SPIRE1: variants seen among roughly 807,000 people sequenced by gnomAD.
SPIRE1 encodes the protein spire type actin nucleation factor 1.
Under a neutral mutation model 94.1 loss-of-function variants are expected in SPIRE1, and 40 were observed. That is an observed-to-expected ratio of 0.43 (90% confidence interval 0.33 to 0.55). The LOEUF (loss-of-function observed/expected upper bound fraction) is 0.55. Ranked by LOEUF, SPIRE1 falls within the 20% of genes least tolerant of loss-of-function variation. The pLI is 0.06. For missense variants in SPIRE1, 838 were observed against 975.2 expected (o/e 0.86, Z 1.87); for synonymous variants, 376 against 371.7 (o/e 1.01, Z -0.13).
rs78538080 is a variant in SPIRE1, at chr18:12,506,671, A to G, written c.808-30T>C. ...AAGAACCAAGGATAGAGAGACATCAATGAATAAATGTACTAGTTTCTTCTA... is the reference window on the plus strand; with the variant it reads ...AAGAACCAAGGATAGAGAGACATCAGTGAATAAATGTACTAGTTTCTTCTA... On this transcript the variant is annotated intron_variant, in intron 5 of 16. Transcript: ENST00000409402. 4.7e-3 allele frequency: 7,543 copies of G among 1,604,276 alleles called. 316 individuals are homozygous for G. The African/African-American group carries it at 0.089, about 19-fold the overall frequency.
intron 2 of SPIRE1, among the ~76,000 whole-genome samples, chr18:12,555,149 G>T (rs2035465531): frequency 6.6e-6 from 1 of 151,998 alleles, no homozygotes; most frequent in South Asian, 2.1e-4. Flanking sequence ...ATTTGAGACT[G>T]ATCTCCCATC....
chr18:12,506,955 A>G (rs2033854178), intron 5 of SPIRE1, among the ~76,000 whole-genome samples: 1 of 152,256 alleles, frequency 6.6e-6, no homozygotes, highest in Non-Finnish European at 1.5e-5. Context: ...AAAGGGGATT[A>G]TATTTCCCAC....
At chr18:12,501,160 A>C (rs1467736918) in intron 6 of SPIRE1, among the ~76,000 whole-genome samples, 2 of 151,624 alleles carry the variant, frequency 1.3e-5, no homozygotes, top group Non-Finnish European at 2.9e-5. Flanking sequence ...TTGAAACATT[A>C]TGCTAAGTCA....
intron 5 of SPIRE1, among the ~76,000 whole-genome samples, chr18:12,507,462 G>T (rs956726507): frequency 2.0e-5 from 3 of 152,118 alleles, no homozygotes; most frequent in African/African-American, 7.2e-5. Flanking sequence ...ACTTTTGGAG[G>T]CCAAGAAGGG....
intron 7 of SPIRE1, among the ~76,000 whole-genome samples, chr18:12,493,596 G>A (rs2033323196): frequency 6.6e-6 from 1 of 152,042 alleles, no homozygotes; most frequent in South Asian, 2.1e-4. Flanking sequence ...TAGTAGAGAT[G>A]GGGTTTCACC....
At chr18:12,573,967 C>T (rs1291593939) in intron 2 of SPIRE1, among the ~76,000 whole-genome samples, 2 of 152,182 alleles carry the variant, frequency 1.3e-5, no homozygotes, top group African/African-American at 4.8e-5. Flanking sequence ...TCTCCATCTC[C>T]TGACCTCATG....
At chr18:12,661,507 C>T (rs937780021), upstream of SPIRE1, among the ~76,000 whole-genome samples, 5 of 152,080 alleles carry the variant, frequency 3.3e-5, no homozygotes, top group African/African-American at 1.2e-4. Flanking sequence ...CGCAGTGGCT[C>T]ATACCTGTAA....
At chr18:12,567,225 G>A (rs142407607) in intron 2 of SPIRE1, among the ~76,000 whole-genome samples, 49 of 152,126 alleles carry the variant, frequency 3.2e-4, no homozygotes, top group Admixed American at 1.4e-3. Flanking sequence ...ACTTACATGA[G>A]CACCCCCCAA....
chr18:12,584,766 A>C (rs2036347040), intron 2 of SPIRE1, among the ~76,000 whole-genome samples: 1 of 152,046 alleles, frequency 6.6e-6, no homozygotes, highest in Admixed American at 6.6e-5. Flanking sequence ...CCTGTCTCTA[A>C]ATTAAAAATA....
chr18:12,559,411 G>A lies in SPIRE1; in HGVS notation c.373-12507C>T, dbSNP rs530848639. Reference sequence around the variant, plus strand: ...TGGCCGGGCGAGACTGCACCCACCCGGAACTCGTGCTGGCCTGCGAACACC... The same window carrying A: ...TGGCCGGGCGAGACTGCACCCACCCAGAACTCGTGCTGGCCTGCGAACACC... On this transcript the variant is annotated intron_variant, in intron 2 of 16. Coordinates refer to ENST00000409402, the MANE Select transcript of SPIRE1 (RefSeq NM_001128626.2). This position sits in a 1 kb window ranked among gnomAD's most constrained non-coding sequence, Gnocchi z 4.7. Among the ~76,000 whole-genome samples, 36 of 152,272 alleles carry A rather than the reference G, an allele frequency of 2.4e-4. No individual in the cohort carries two copies. Among genetic ancestry groups the A allele is most frequent in the Non-Finnish European group, 4.3e-4 (29 of 68,004 alleles).
At chr18:12,648,906 A>G (rs560614770) in intron 1 of SPIRE1, among the ~76,000 whole-genome samples, 13,149 of 149,990 alleles carry the variant, frequency 0.088, 708 homozygotes, top group Non-Finnish European at 0.11. Context: ...AAAAAAAAAA[A>G]AAAAAGAAAA....
chr18:12,591,570 G>C (rs1454236194), intron 2 of SPIRE1, among the ~76,000 whole-genome samples: 1 of 152,184 alleles, frequency 6.6e-6, no homozygotes, highest in East Asian at 1.9e-4. Flanking sequence ...TGAGAAATGG[G>C]CAGTTTCCGG....
At chr18:12,474,978 A>T (rs2032508426) in intron 10 of SPIRE1, among the ~76,000 whole-genome samples, 1 of 152,352 alleles carries the variant, frequency 6.6e-6, no homozygotes, top group Non-Finnish European at 1.5e-5. Flanking sequence ...TGTCTTCTAC[A>T]GCCCTGAGTC....
At chr18:12,649,728 ACT>A (rs1382526070) in intron 1 of SPIRE1, among the ~76,000 whole-genome samples, 6 of 151,900 alleles carry the variant, frequency 3.9e-5, no homozygotes, top group Admixed American at 2.6e-4. Flanking sequence ...TTTAGTCAAA[ACT>A]CTTAGTGAGG....
At chr18:12,590,483 C>T (rs189237540) in intron 2 of SPIRE1, among the ~76,000 whole-genome samples, 6 of 152,100 alleles carry the variant, frequency 3.9e-5, no homozygotes, top group Admixed American at 2.0e-4. Flanking sequence ...AAAAAGTTTT[C>T]GGGCCTAAAG....
Position 12,449,211 on chromosome 18 carries a change from AAC to A in SPIRE1, c.*425_*426del, listed in dbSNP as rs1402518356. The A allele has an allele frequency of 5.5e-6, 1 of 181,530 alleles. No individual in the cohort carries two copies. Among genetic ancestry groups the A allele is most frequent in the African/African-American group, 2.4e-5 (1 of 41,884 alleles). The allele number at this position is 181,530 out of a possible 1,614,324, so 11.2% of individuals were successfully genotyped here. A position where few individuals can be genotyped will look rare whatever the true frequency, so the allele number is the denominator to read the frequency against. On this transcript the variant is annotated 3_prime_UTR_variant, in exon 17 of 17. Transcript: ENST00000409402. The stretch of plus-strand genomic sequence containing the variant: ...TGGATCTCTCTGTACACGGGATAGA[AAC>A]ACAGTCACGTGGAAATGCCAATATG...
At chr18:12,595,850 T>C (rs1451193223) in intron 2 of SPIRE1, among the ~76,000 whole-genome samples, 1 of 152,238 alleles carries the variant, frequency 6.6e-6, no homozygotes, top group Non-Finnish European at 1.5e-5. Flanking sequence ...GAAGCTGCTA[T>C]TTAATACACA....
At chr18:12,452,140 A>G (rs966194180) in intron 16 of SPIRE1, 115 bp downstream of exon 16, 6 of 1,304,540 alleles carry the variant, frequency 4.6e-6, no homozygotes, top group Non-Finnish European at 5.3e-6. Flanking sequence ...ATTAAAACCA[A>G]CCAACAAACC....
rs2038587403 is a variant in SPIRE1, at chr18:12,657,581, C to T, written c.286G>A (p.Val96Ile). 10 of 1,242,128 alleles carry T rather than the reference C, an allele frequency of 8.1e-6. No individual in the cohort carries two copies. In the South Asian group the frequency reaches 1.4e-4, roughly 17 times the overall value. The allele number at this position is 1,242,128 out of a possible 1,614,324, so 76.9% of individuals were successfully genotyped here. A position where few individuals can be genotyped will look rare whatever the true frequency, so the allele number is the denominator to read the frequency against. ...AQIRVWRDGA[V>I]TLAPAADDAG... ...TCGTCGGCCGCGGGCGCCAGGGTGA[C>T]GGCGCCGTCCCTCCAGACGCGGATC... The change falls in exon 1 of 17, where the codon GTC (valine) becomes ATC (isoleucine). Residue 96 changes from valine to isoleucine, a missense_variant. Physicochemically the swap from Val to Ile is conservative, Grantham distance 29. This residue lies in a region of SPIRE1 where 193 missense variants were observed against 170.5 expected (regional missense o/e 1.13). Coordinates refer to ENST00000409402, the MANE Select transcript of SPIRE1 (RefSeq NM_001128626.2).
Sources: allele counts gnomAD v4.1 joint callset (sites outside exome capture counted in the v4.1 genomes callset), GRCh38; gene constraint gnomAD v4.1.1; regional missense constraint gnomAD v4.1.1; non-coding constraint Gnocchi (gnomAD v3.1); transcripts MANE v1.5; gene names NCBI Gene and HGNC (gene_info 2026-07-23, HGNC 2026-07-21).